The following ACE variants were observed in gnomAD, a reference collection of about 807,000 sequenced individuals.
The protein encoded by ACE is angiotensin I converting enzyme, also known as angiotensin-converting enzyme.
Under a neutral mutation model 162.3 loss-of-function variants are expected in ACE, and 122 were observed. That is an observed-to-expected ratio of 0.75 (90% confidence interval 0.65 to 0.87). ACE has a LOEUF of 0.87. Ranked by LOEUF, ACE falls within the 40% of genes least tolerant of loss-of-function variation. The pLI is 0.00. For synonymous variants in ACE, 796 were observed against 720.6 expected (o/e 1.10, Z -1.68); for missense variants, 1,799 against 1,735.1 (o/e 1.04, Z -0.65).
Position 63,484,033 on chromosome 17 carries a change from C to T in ACE, c.1709+62C>T, listed in dbSNP as rs1049640588. On this transcript the variant is annotated intron_variant, in intron 11 of 24. Transcript: ENST00000290866. The surrounding 1 kb of genome is among the most constrained non-coding windows in gnomAD (Gnocchi z 4.0). Reference sequence around the variant, plus strand: ...GAGGAGCGGCTGGCAAAGGGTGTGGCAGGAGGTGTCTGGCTGCTCTGATGG... The same window carrying T: ...GAGGAGCGGCTGGCAAAGGGTGTGGTAGGAGGTGTCTGGCTGCTCTGATGG... The T allele has an allele frequency of 3.9e-6, 6 of 1,552,310 alleles. No individual in the cohort carries two copies. The African/African-American group carries it at 8.2e-5, about 21-fold the overall frequency.
rs1329922107 is a variant in ACE at position 63,491,047 on chromosome 17, A to G, written c.2735A>G (p.Lys912Arg). 1.9e-6 allele frequency: 3 copies of G among 1,614,030 alleles called. No individual in the cohort carries two copies. The African/African-American group carries it at 4.0e-5, about 22-fold the overall frequency. The stretch of plus-strand genomic sequence containing the variant: ...ATGGACACCACAGAGGCTATGCTAA[A>G]GCAGGTCCGCACCAGCCCAGGGGCA... The part of the protein sequence containing the change: ...PSMDTTEAML[K>R]QGWTPRRMFK... Residue 912 changes from lysine (K) to arginine (R), a missense_variant, in exon 18 of 25, where the codon AAG becomes AGG. Physicochemically the swap from Lys to Arg is conservative, Grantham distance 26. Transcript: ENST00000290866. This position sits in a 1 kb window ranked among gnomAD's most constrained non-coding sequence, Gnocchi z 4.4.
chr17:63,488,820 A>G (rs2030170297), intron 16 of ACE, 29 bp downstream of exon 16: 2 of 1,614,058 alleles, frequency 1.2e-6, no homozygotes, highest in East Asian at 2.2e-5. Flanking sequence ...CATCACTGGC[A>G]CTTGGGTCCC....
rs778841130 is a variant in ACE at position 63,480,381 on chromosome 17, C to A, written c.700C>A (p.Pro234Thr). The A allele has an allele frequency of 5.6e-6, 9 of 1,613,988 alleles. No individual in the cohort carries two copies. Among genetic ancestry groups the A allele is most frequent in the Non-Finnish European group, 6.8e-6 (8 of 1,180,044 alleles). ...CTACTGGCGCTCCTGGTACAACTCC[C>A]CCACCTTCGAGGACGATCTGGAACA... is the stretch of plus-strand genomic sequence containing the variant. Reference protein sequence around the residue: ...GAYWRSWYNSPTFEDDLEHLY... With the variant: ...GAYWRSWYNSTTFEDDLEHLY... The change falls in exon 5 of 25, where the codon CCC becomes ACC. Residue 234 changes from proline to threonine, a missense_variant. Pro to Thr is a conservative substitution (Grantham distance 38). Coordinates refer to ENST00000290866, the MANE Select transcript of ACE (RefSeq NM_000789.4).
chr17:63,480,413 C>T lies in ACE; in HGVS notation c.732C>T (p.Tyr244=). 6.2e-7 allele frequency: 1 copy of T among 1,614,150 alleles called. No individual in the cohort carries two copies. Among genetic ancestry groups the T allele is most frequent in the Non-Finnish European group, 8.5e-7 (1 of 1,180,030 alleles). ...PTFEDDLEHL[Y]QQLEPLYLNL... Reference sequence around the variant, plus strand: ...TCGAGGACGATCTGGAACACCTCTACCAACAGCTAGAGCCCCTCTACCTGA... The same window carrying T: ...TCGAGGACGATCTGGAACACCTCTATCAACAGCTAGAGCCCCTCTACCTGA... Residue 244 remains tyrosine, a synonymous_variant, in exon 5 of 25, where the codon TAC becomes TAT. Coordinates refer to ENST00000290866, the MANE Select transcript of ACE (RefSeq NM_000789.4).
intron 20 of ACE, 94 bp from the exon 21 acceptor site, chr17:63,493,828 A>G: frequency 6.3e-7 from 1 of 1,588,708 alleles, no homozygotes; most frequent in East Asian, 2.2e-5. Flanking sequence ...AGGGCCCAAA[A>G]GGTACAGCAC....
Position 63,491,479 on chromosome 17 carries a change from C to A in ACE, c.2912+98C>A. On this transcript the variant is annotated intron_variant, in intron 19 of 24. Coordinates refer to ENST00000290866, the MANE Select transcript of ACE (RefSeq NM_000789.4). This position sits in a 1 kb window ranked among gnomAD's most constrained non-coding sequence, Gnocchi z 4.4. ...ACTACTGTCCCCCAGCTGGAGCCAG[C>A]AGGGCAGGATGGGGACAGGGCCAGA... 2 of 1,524,166 alleles carry A rather than the reference C, an allele frequency of 1.3e-6. No homozygotes were observed. Among genetic ancestry groups the A allele is most frequent in the Non-Finnish European group, 1.8e-6 (2 of 1,108,652 alleles). 94.4% of individuals were successfully genotyped at this position (1,524,166 alleles called of 1,614,324 possible). A position where few individuals can be genotyped will look rare whatever the true frequency, so the allele number is the denominator to read the frequency against.
intron 8 of ACE, 40 bp from the exon 9 acceptor site, chr17:63,482,989 T>C (rs1322296659): frequency 6.2e-7 from 1 of 1,605,894 alleles, no homozygotes; most frequent in South Asian, 1.1e-5. Flanking sequence ...CTCTTCTCCC[T>C]CTGACCTCTT....
intron 17 of ACE, 45 bp from the exon 18 acceptor site, chr17:63,490,909 A>C (rs2030324252): frequency 6.3e-7 from 1 of 1,582,554 alleles, no homozygotes; most frequent in South Asian, 1.1e-5. Context: ...AGCCTAAGTA[A>C]CATTTGTCTT....
Position 63,494,387 on chromosome 17 carries a change from C to T in ACE, c.3297C>T (p.Gly1099=), listed in dbSNP as rs2030596250. 6.2e-7 allele frequency: 1 copy of T among 1,614,106 alleles called. No individual in the cohort carries two copies. Among genetic ancestry groups the T allele is most frequent in the Non-Finnish European group, 8.5e-7 (1 of 1,179,972 alleles). The change falls in exon 22 of 25, where the codon GGC becomes GGT. Residue 1099 remains glycine, a synonymous_variant. Transcript: ENST00000290866. The stretch of plus-strand genomic sequence containing the variant: ...CACTCGACAGGCTGAAGTACCAGGG[C>T]CTCTGCCCCCCAGTGCCCAGGACTC... ...EWWSLRLKYQ[G]LCPPVPRTQG... is the part of the protein sequence containing the mutation.
intron 22 of ACE, 73 bp downstream of exon 22, chr17:63,494,543 C>A: frequency 1.5e-6 from 2 of 1,358,734 alleles, no homozygotes; most frequent in Non-Finnish European, 2.1e-6. Context: ...GCGGCCACTG[C>A]CCGGTCCACA....
Position 63,497,502 on chromosome 17 carries a change from TC to T in ACE, c.*139del. The T allele has an allele frequency of 1.3e-6, 1 of 788,392 alleles. No homozygotes were observed. The highest frequency in any genetic ancestry group is 1.5e-5 in the South Asian group (1 of 66,308). 48.8% of individuals were successfully genotyped at this position (788,392 alleles called of 1,614,324 possible). On this transcript the variant is annotated 3_prime_UTR_variant, in exon 25 of 25. Transcript: ENST00000290866. ...CTGCCCTGTCCCTGTCCCCCTCCCC[TC>T]CCAGTCCTCCAGACCACCAGCCGCC...
chr17:63,483,684 G>C (rs1193599569), intron 10 of ACE, 126 bp downstream of exon 10: 9 of 1,407,108 alleles, frequency 6.4e-6, no homozygotes, highest in Non-Finnish European at 9.0e-6. Flanking sequence ...CAAAGGCCTG[G>C]AGTTAGAGTG....
At chr17:63,479,199 G>A in intron 3 of ACE, 99 bp downstream of exon 3, 1 of 1,032,740 alleles carries the variant, frequency 9.7e-7, no homozygotes, top group Non-Finnish European at 1.5e-6. Flanking sequence ...TGTGGAGACA[G>A]CAGGTAAACC....
Position 63,496,211 on chromosome 17 carries a change from A to G in ACE, c.3381-183A>G, listed in dbSNP as rs2030718045. 6 of 825,144 alleles carry G rather than the reference A, an allele frequency of 7.3e-6. No individual in the cohort carries two copies. The East Asian group carries it at 1.0e-4, about 14-fold the overall frequency. 51.1% of individuals were successfully genotyped at this position (825,144 alleles called of 1,614,324 possible). ...GGCACGGCTAGGAAGAGGCTCAGAC[A>G]ATGCTAAGAGCTGGGGTGGGGGAGC... On this transcript the variant is annotated intron_variant, in intron 22 of 24. Transcript: ENST00000290866.
At chr17:63,480,280 A>G in intron 4 of ACE, 57 bp from the exon 5 acceptor site, 2 of 1,585,258 alleles carry the variant, frequency 1.3e-6, no homozygotes, top group Admixed American at 1.7e-5. Context: ...CTTACAGCTG[A>G]GAGGCTGAGG....
intron 13 of ACE, chr17:63,486,213 A>G (rs1358911285): frequency 2.7e-6 from 1 of 373,690 alleles, no homozygotes; most frequent in Non-Finnish European, 5.1e-6. Flanking sequence ...GCTTATTCCC[A>G]TTTTACAGAT....
At position 63,484,669 on chromosome 17, in the gene ACE, G is replaced by GC. The variant is rs960831658; in HGVS notation, c.1921+134dup. On this transcript the variant is annotated intron_variant, in intron 12 of 24. Transcript: ENST00000290866. This position sits in a 1 kb window ranked among gnomAD's most constrained non-coding sequence, Gnocchi z 4.0. ...GTACCCTGTCCTGGAGGGCCAGGCAGCCCCCCAAGCTCATCAGCAGGGCCT... is the reference window on the plus strand; with the variant it reads ...GTACCCTGTCCTGGAGGGCCAGGCAGCCCCCCCAAGCTCATCAGCAGGGCCT... 8 of 1,441,776 alleles carry GC rather than the reference G, an allele frequency of 5.5e-6. No individual in the cohort carries two copies. The highest frequency in any genetic ancestry group is 4.8e-5 in the Admixed American group (2 of 41,300). The allele number at this position is 1,441,776 out of a possible 1,614,324, so 89.3% of individuals were successfully genotyped here. A position where few individuals can be genotyped will look rare whatever the true frequency, so the allele number is the denominator to read the frequency against.
chr17:63,490,924 C>G (rs753728397), intron 17 of ACE, 30 bp from the exon 18 acceptor site: 2 of 1,607,500 alleles, frequency 1.2e-6, no homozygotes, highest in Non-Finnish European at 8.5e-7. Context: ...TGTCTTTCCT[C>G]TCTCTGCCGT....
chr17:63,492,168 G>A (rs577191239), intron 19 of ACE, among the ~76,000 whole-genome samples: 28 of 152,270 alleles, frequency 1.8e-4, no homozygotes, highest in African/African-American at 6.0e-4. Context: ...TAGCTCGGGC[G>A]CCCTCCCAGC....
Sources: gnomAD v4.1 joint callset for allele counts (sites outside exome capture counted in the v4.1 genomes callset) on GRCh38, gnomAD v4.1.1 for gene constraint, Gnocchi (gnomAD v3.1) non-coding constraint, MANE v1.5 for transcripts, NCBI Gene and HGNC (gene_info 2026-07-23, HGNC 2026-07-21) for gene names.